Variants in CNTN6 observed in about 807,000 individuals in gnomAD.
CNTN6 encodes the protein contactin 6.
In CNTN6, 137 loss-of-function variants were observed where a neutral mutation model predicts 122.8. The ratio of observed to expected loss-of-function variants is 1.12; its 90% confidence interval spans 0.97 to 1.29. The LOEUF (loss-of-function observed/expected upper bound fraction) is 1.29, where lower values mean the gene tolerates loss of function less well. CNTN6 is among the 50% of genes most tolerant of loss of function. CNTN6 has a pLI of 0.00. For missense variants in CNTN6, 1,634 were observed against 1,223.4 expected, an observed-to-expected ratio of 1.34 and a Z score of -5.01; for synonymous variants, 570 against 426.0, an observed-to-expected ratio of 1.34 and a Z score of -4.16.
intron 6 of CNTN6, among the ~76,000 whole-genome samples, chr3:1,296,487 A>G (rs1696262432): frequency 6.6e-6 from 1 of 152,156 alleles, no homozygotes; most frequent in African/African-American, 2.4e-5. Context: ...TTGTTTTTTT[A>G]ATTAAATGTT....
At chr3:1,336,801 T>C (rs1703137815) in intron 11 of CNTN6, among the ~76,000 whole-genome samples, 1 of 152,156 alleles carries the variant, frequency 6.6e-6, no homozygotes, top group South Asian at 2.1e-4. Flanking sequence ...CCCACTGCAC[T>C]TCCACCTGCC....
intron 3 of CNTN6, 70 bp downstream of exon 3, chr3:1,220,883 A>G: frequency 6.8e-7 from 1 of 1,471,428 alleles, no homozygotes; most frequent in Middle Eastern, 1.8e-4. Flanking sequence ...CACAAAATAA[A>G]GTGTTTTATA....
intron 4 of CNTN6, among the ~76,000 whole-genome samples, chr3:1,231,501 CA>C (rs1328271053): frequency 1.3e-5 from 2 of 152,112 alleles, no homozygotes; most frequent in African/African-American, 4.8e-5. Flanking sequence ...TTCAGTAATC[CA>C]AAAGCACACT....
At chr3:1,287,943 A>C (rs2125832331) in intron 5 of CNTN6, among the ~76,000 whole-genome samples, 1 of 152,254 alleles carries the variant, frequency 6.6e-6, no homozygotes, top group South Asian at 2.1e-4. Context: ...GCTCTGAAGT[A>C]GCCACTGTTA....
rs2094847944 is a variant in CNTN6 at position 1,261,628 on chromosome 3, C to T, written c.359-16785C>T. Among the ~76,000 whole-genome samples, 4 of 152,022 alleles carry T rather than the reference C, an allele frequency of 2.6e-5. No individual in the cohort carries two copies. The South Asian group carries it at 6.2e-4, about 24-fold the overall frequency. Reference sequence around the variant, plus strand: ...AGCAACCCAAATGGAGGCAGCAAACCCTCTAACGTAACTGTCCCCCAATGT... The same window carrying T: ...AGCAACCCAAATGGAGGCAGCAAACTCTCTAACGTAACTGTCCCCCAATGT... On this transcript the variant is annotated intron_variant, in intron 4 of 22. Transcript: ENST00000446702.
At chr3:1,180,402 G>A (rs960727171) in intron 2 of CNTN6, among the ~76,000 whole-genome samples, 10 of 152,162 alleles carry the variant, frequency 6.6e-5, no homozygotes, top group African/African-American at 2.4e-4. Flanking sequence ...CTGAATGACA[G>A]TATTATTCTT....
chr3:1,250,260 T>C (rs1380722383), intron 4 of CNTN6, among the ~76,000 whole-genome samples: 1 of 152,194 alleles, frequency 6.6e-6, no homozygotes, highest in Non-Finnish European at 1.5e-5. Flanking sequence ...GAAATCAGGC[T>C]TCAAACACAA....
At chr3:1,332,205 A>G (rs1702385853) in intron 11 of CNTN6, among the ~76,000 whole-genome samples, 1 of 152,004 alleles carries the variant, frequency 6.6e-6, no homozygotes. Flanking sequence ...CAGTCACTAC[A>G]TCTCCACCCG....
chr3:1,178,356 G>A (rs1217598759), intron 2 of CNTN6, among the ~76,000 whole-genome samples: 1 of 152,020 alleles, frequency 6.6e-6, no homozygotes, highest in Non-Finnish European at 1.5e-5. Context: ...CCTTTGATAT[G>A]TCAAGTCTAC....
At chr3:1,243,395 T>G (rs922640185) in intron 4 of CNTN6, among the ~76,000 whole-genome samples, 4 of 152,194 alleles carry the variant, frequency 2.6e-5, no homozygotes, top group African/African-American at 9.7e-5. Context: ...GAATTGCAAC[T>G]TTTTTCTATT....
At chr3:1,272,287 C>T (rs2095039673) in intron 4 of CNTN6, among the ~76,000 whole-genome samples, 2 of 152,144 alleles carry the variant, frequency 1.3e-5, no homozygotes, top group Admixed American at 1.3e-4. Flanking sequence ...CTTATCTGGA[C>T]ACATAGAAAT....
At position 1,385,596 on chromosome 3, in the gene CNTN6, G is replaced by GT; in HGVS notation, c.2518-10dup. 4 of 1,574,214 alleles carry GT rather than the reference G, an allele frequency of 2.5e-6. No individual in the cohort carries two copies. Among genetic ancestry groups the GT allele is most frequent in the South Asian group, 1.2e-5 (1 of 84,950 alleles). ...GGGGAACAATAAATTGCTTGTTTTG[G>GT]TTTTTAATTATCAGGTCTTATACTG... On this transcript the variant is annotated splice_polypyrimidine_tract_variant and intron_variant, in intron 19 of 22. Transcript: ENST00000446702.
At chr3:1,261,051 A>G (rs1312309773) in intron 4 of CNTN6, among the ~76,000 whole-genome samples, 1 of 152,172 alleles carries the variant, frequency 6.6e-6, no homozygotes, top group Non-Finnish European at 1.5e-5. Context: ...TGGGGAAAAA[A>G]AAATTAGAGA....
intron 20 of CNTN6, among the ~76,000 whole-genome samples, chr3:1,390,272 A>C (rs1465549823): frequency 6.6e-6 from 1 of 152,066 alleles, no homozygotes; most frequent in Non-Finnish European, 1.5e-5. Context: ...AAAACCGCTC[A>C]ACTACATGGA....
intron 17 of CNTN6, 59 bp downstream of exon 17, chr3:1,377,134 A>G (rs1709985210): frequency 2.6e-6 from 3 of 1,176,454 alleles, no homozygotes; most frequent in Non-Finnish European, 3.7e-6. Context: ...GCCAGAAAGA[A>G]ACTGAAAAAC....
At chr3:1,158,004 A>T (rs1049903995) in intron 2 of CNTN6, among the ~76,000 whole-genome samples, 10 of 152,192 alleles carry the variant, frequency 6.6e-5, no homozygotes, top group African/African-American at 2.4e-4. Context: ...TATTTTGGGT[A>T]TATGCCCACC....
intron 12 of CNTN6, among the ~76,000 whole-genome samples, chr3:1,355,425 A>G (rs1499216): frequency 0.45 from 68,540 of 151,422 alleles, 17,611 homozygotes; most frequent in African/African-American, 0.69. Context: ...TCCCTTTCAT[A>G]TAAAAATGTT....
chr3:1,167,190 C>G lies in CNTN6; in HGVS notation c.55+19127C>G, dbSNP rs569521094. On this transcript the variant is annotated intron_variant, in intron 2 of 22. Transcript: ENST00000446702. ...ACAAACAAAAACACCTTGGTTCATA[C>G]CTGGCACCTTACTACTTGTGTGGCA... Among the ~76,000 whole-genome samples the G allele has an allele frequency of 2.6e-5, 4 of 152,216 alleles. No homozygotes were observed. The East Asian group carries it at 7.7e-4, about 29-fold the overall frequency.
rs535754538 is a variant in CNTN6 at position 1,379,578 on chromosome 3, T to A, written c.2166+2503T>A. On this transcript the variant is annotated intron_variant, in intron 17 of 22. Transcript: ENST00000446702. ...GTACCCCCGAATCTAAAATAAAAGT[T>A]GAATTTTTTTTTTAAGTTTACTCTC... is the stretch of plus-strand genomic sequence containing the variant. 5.9e-5 allele frequency among the ~76,000 whole-genome samples: 9 copies of A among 152,152 alleles called. No individual in the cohort carries two copies. The South Asian group carries it at 1.9e-3, about 32-fold the overall frequency.
Sources: allele counts gnomAD v4.1 joint callset (sites outside exome capture counted in the v4.1 genomes callset), GRCh38; gene constraint gnomAD v4.1.1; transcripts MANE v1.5; gene names NCBI Gene and HGNC (gene_info 2026-07-23, HGNC 2026-07-21).